Variants in TRDN observed in about 807,000 individuals in gnomAD.
TRDN encodes triadin in skeletal muscle.
A neutral mutation model predicts 149.7 loss-of-function variants in TRDN; 161 were observed. The observed-to-expected ratio is 1.08, with a 90% confidence interval of 0.95 to 1.23. TRDN has a LOEUF of 1.23. Ranked by LOEUF, TRDN falls within the 50% of genes most tolerant of loss-of-function variation. The pLI is 0.00. For missense variants in TRDN, 896 were observed against 823.5 expected (o/e 1.09, Z -1.08); for synonymous variants, 294 against 250.5 (o/e 1.17, Z -1.64).
At chr6:123,459,970 G>A (rs1451102712) in intron 10 of TRDN, among the ~76,000 whole-genome samples, 3 of 152,148 alleles carry the variant, frequency 2.0e-5, no homozygotes, top group Non-Finnish European at 2.9e-5. Flanking sequence ...AGTAAAATGT[G>A]ATTGTTTAAA....
rs200078798 is a variant in TRDN at position 123,227,721 on chromosome 6, TTTTGTTTG to T, written c.1976-3598_1976-3591del. On this transcript the variant is annotated intron_variant, in intron 38 of 40. Coordinates refer to ENST00000334268, the MANE Select transcript of TRDN (RefSeq NM_006073.4). ...CAACAACCATATGAGGCAAGGACTT[TTTTGTTTG>T]TTTGTTTGTTTGTTTGTTTGTTTTT... 1.8e-4 allele frequency among the ~76,000 whole-genome samples: 25 copies of T among 135,904 alleles called. No homozygotes were observed. In the South Asian group the frequency reaches 3.4e-3, roughly 18 times the overall value. 89.2% of individuals were successfully genotyped at this position (135,904 alleles called of 152,430 possible).
chr6:123,368,633 T>C (rs1032678071), intron 19 of TRDN, among the ~76,000 whole-genome samples: 4 of 152,178 alleles, frequency 2.6e-5, no homozygotes, highest in Non-Finnish European at 2.9e-5. Flanking sequence ...CTCCTTGGCC[T>C]CCTCAATTCA....
intron 19 of TRDN, among the ~76,000 whole-genome samples, chr6:123,370,156 A>G (rs1781269001): frequency 6.6e-6 from 1 of 152,304 alleles, no homozygotes; most frequent in Middle Eastern, 3.4e-3. Flanking sequence ...GAAATAGAAT[A>G]TCGCCAAGGC....
intron 12 of TRDN, among the ~76,000 whole-genome samples, chr6:123,431,915 C>G (rs1774354519): frequency 6.6e-6 from 1 of 152,110 alleles, no homozygotes; most frequent in South Asian, 2.1e-4. Flanking sequence ...CTGTAAAGGA[C>G]TCTTTGCAAT....
chr6:123,612,211 A>G (rs1289051439), intron 1 of TRDN, among the ~76,000 whole-genome samples: 4 of 132,332 alleles, frequency 3.0e-5, no homozygotes, highest in Admixed American at 2.7e-4. Flanking sequence ...CCTGGCCAAC[A>G]TGGTGAAACC....
At chr6:123,352,409 T>A (rs558342067) in intron 21 of TRDN, 130 bp downstream of exon 21, 4 of 1,416,126 alleles carry the variant, frequency 2.8e-6, no homozygotes, top group Non-Finnish European at 3.7e-6. Context: ...CAGAAAAACA[T>A]GCAAGGACAG....
At chr6:123,471,937 A>G (rs903681030) in intron 9 of TRDN, among the ~76,000 whole-genome samples, 3 of 152,222 alleles carry the variant, frequency 2.0e-5, no homozygotes, top group South Asian at 2.1e-4. Context: ...ATAGATGCAT[A>G]GAATCATAGA....
chr6:123,247,563 A>G (rs1358464437), intron 38 of TRDN, among the ~76,000 whole-genome samples: 1 of 152,230 alleles, frequency 6.6e-6, no homozygotes, highest in East Asian at 1.9e-4. Context: ...GACCTCTTCA[A>G]GGAGAACTAC....
Position 123,570,930 on chromosome 6 carries a change from G to GT in TRDN, c.224dup (p.Asn75LysfsTer20). The GT allele has an allele frequency of 6.2e-7, 1 of 1,613,436 alleles. No individual in the cohort carries two copies. Among genetic ancestry groups the GT allele is most frequent in the South Asian group, 1.1e-5 (1 of 91,014 alleles). ...AAATTTTATGGAACTTACCTGAAAA[G>GT]TTTTTGTAATCCACTAAATCAAACA... On this transcript the variant is annotated frameshift_variant, in exon 2 of 41. Coordinates refer to ENST00000334268, the MANE Select transcript of TRDN (RefSeq NM_006073.4). LOFTEE classifies it high-confidence loss of function.
intron 10 of TRDN, chr6:123,442,462 C>A (rs1305453054): frequency 7.4e-6 from 1 of 134,632 alleles, no homozygotes; most frequent in Non-Finnish European, 1.5e-5. Context: ...AGGAGAATGG[C>A]GTGAACCCTG....
intron 12 of TRDN, among the ~76,000 whole-genome samples, chr6:123,426,165 T>G (rs575813563): frequency 1.3e-5 from 2 of 152,226 alleles, no homozygotes; most frequent in South Asian, 4.1e-4. Flanking sequence ...ATGAGACAGA[T>G]GAAGTACATG....
chr6:123,474,035 A>G (rs1368787567), intron 9 of TRDN, among the ~76,000 whole-genome samples: 1 of 152,154 alleles, frequency 6.6e-6, no homozygotes, highest in East Asian at 1.9e-4. Flanking sequence ...AACTGCATCA[A>G]CTAACGAGCA....
At chr6:123,481,526 T>C (rs1777750203) in intron 9 of TRDN, among the ~76,000 whole-genome samples, 1 of 152,034 alleles carries the variant, frequency 6.6e-6, no homozygotes, top group South Asian at 2.1e-4. Flanking sequence ...AAAAATTCTA[T>C]AATTTCCCCT....
chr6:123,300,235 A>T (rs1053652162), intron 24 of TRDN, among the ~76,000 whole-genome samples: 2 of 151,954 alleles, frequency 1.3e-5, no homozygotes, highest in African/African-American at 4.8e-5. Context: ...TTTTAAAAGG[A>T]AAGAAAAGAG....
At chr6:123,608,415 G>A (rs1308768878) in intron 1 of TRDN, among the ~76,000 whole-genome samples, 4 of 152,038 alleles carry the variant, frequency 2.6e-5, no homozygotes, top group East Asian at 3.9e-4. Flanking sequence ...ACATTTTCAC[G>A]AGAGTTGTGT....
Position 123,484,601 on chromosome 6 carries a change from T to C in TRDN, c.853+12592A>G, listed in dbSNP as rs546862348. Among the ~76,000 whole-genome samples, 8 of 152,262 alleles carry C rather than the reference T, an allele frequency of 5.3e-5. No homozygotes were observed. The East Asian group carries it at 1.5e-3, about 29-fold the overall frequency. On this transcript the variant is annotated intron_variant, in intron 9 of 40. Coordinates refer to ENST00000334268, the MANE Select transcript of TRDN (RefSeq NM_006073.4). ...AGACTATATTAGAACATGCTTTTAATAGTCCCAGTGGGTTACCTGAGAAGG... is the reference window on the plus strand; with the variant it reads ...AGACTATATTAGAACATGCTTTTAACAGTCCCAGTGGGTTACCTGAGAAGG...
chr6:123,467,119 G>C (rs1199333335), intron 9 of TRDN, among the ~76,000 whole-genome samples: 1 of 151,944 alleles, frequency 6.6e-6, no homozygotes, highest in African/African-American at 2.4e-5. Flanking sequence ...CTGCCTTCAA[G>C]AAGTTCCCAA....
chr6:123,260,356 C>T (rs1191363615), intron 34 of TRDN, among the ~76,000 whole-genome samples: 1 of 151,932 alleles, frequency 6.6e-6, no homozygotes, highest in Non-Finnish European at 1.5e-5. Flanking sequence ...TCTTGCTACA[C>T]TTTTTAGACA....
chr6:123,571,203 A>T (rs1782561375), intron 1 of TRDN, 71 bp from the exon 2 acceptor site: 1 of 1,508,634 alleles, frequency 6.6e-7, no homozygotes. Flanking sequence ...AGAAACACTG[A>T]CTATATGAGT....
Sources: allele counts gnomAD v4.1 joint callset (sites outside exome capture counted in the v4.1 genomes callset), GRCh38; gene constraint gnomAD v4.1.1; transcripts MANE v1.5; gene names NCBI Gene and HGNC (gene_info 2026-07-23, HGNC 2026-07-21).